Variants in SYN3 observed in about 807,000 individuals in gnomAD.
SYN3 encodes synapsin III.
In SYN3, 35 loss-of-function variants were observed where a neutral mutation model predicts 65.8. The ratio of observed to expected loss-of-function variants is 0.53; its 90% CI spans 0.41 to 0.70. The LOEUF (loss-of-function observed/expected upper bound fraction) is 0.70, where lower values mean the gene tolerates loss of function less well. SYN3 is among the 30% of genes least tolerant of loss of function. SYN3 has a pLI of 0.00. For missense variants in SYN3, 680 were observed against 749.0 expected (o/e 0.91, Z 1.08); for synonymous variants, 270 against 292.9 (o/e 0.92, Z 0.80).
chr22:32,986,275 G>A (rs2052525256), intron 2 of SYN3, among the ~76,000 whole-genome samples: 1 of 152,142 alleles, frequency 6.6e-6, no homozygotes, highest in South Asian at 2.1e-4. Flanking sequence ...GGGTGTGTAC[G>A]AGGCCAACCT....
At chr22:32,980,503 G>A in intron 3 of SYN3, 142 bp downstream of exon 3, 1 of 733,564 alleles carries the variant, frequency 1.4e-6, no homozygotes, top group Non-Finnish European at 2.3e-6. Context: ...AATTTAATGA[G>A]ACTCCCAAGT....
chr22:33,011,848 C>A (rs1055832824), intron 1 of SYN3, among the ~76,000 whole-genome samples: 2 of 152,154 alleles, frequency 1.3e-5, no homozygotes, highest in African/African-American at 2.4e-5. Flanking sequence ...AACTTACTGG[C>A]ATAAAGTTGT....
chr22:33,049,814 C>T (rs1027343845), intron 1 of SYN3, among the ~76,000 whole-genome samples: 1 of 152,146 alleles, frequency 6.6e-6, no homozygotes, highest in Non-Finnish European at 1.5e-5. Flanking sequence ...AGCTAGAAGA[C>T]CCCAGGAAAC....
chr22:32,893,502 A>T lies in SYN3; in HGVS notation c.462-24377T>A, dbSNP rs117931061. ...CTCCTGCAGGAGTCAACCCTTCAGT[A>T]GAGTCTTAAAAATCAGTAGAGTTTG... On this transcript the variant is annotated intron_variant, in intron 4 of 13. Transcript: ENST00000358763. Among the ~76,000 whole-genome samples, 38 of 152,312 alleles carry T rather than the reference A, an allele frequency of 2.5e-4. No homozygotes were observed. In the East Asian group the frequency reaches 7.1e-3, roughly 29 times the overall value.
At chr22:32,698,470 C>A (rs760204475) in intron 6 of SYN3, among the ~76,000 whole-genome samples, 4 of 152,216 alleles carry the variant, frequency 2.6e-5, no homozygotes, top group Non-Finnish European at 5.9e-5. Flanking sequence ...CAGAACAATT[C>A]ATCCTTGCCC....
intron 6 of SYN3, among the ~76,000 whole-genome samples, chr22:32,655,975 C>T (rs2060136983): frequency 6.6e-6 from 1 of 152,132 alleles, no homozygotes; most frequent in South Asian, 2.1e-4. Flanking sequence ...CATTGGAGAA[C>T]TAATCTCCCT....
At chr22:32,947,122 G>A (rs1456431194) in intron 3 of SYN3, among the ~76,000 whole-genome samples, 2 of 152,196 alleles carry the variant, frequency 1.3e-5, no homozygotes. Context: ...CACTGACCCA[G>A]TGTATGGCCT....
intron 6 of SYN3, among the ~76,000 whole-genome samples, chr22:32,790,881 C>G (rs542710285): frequency 6.6e-6 from 1 of 152,056 alleles, no homozygotes; most frequent in African/African-American, 2.4e-5. Context: ...ATAGTAGCTA[C>G]GAGAAAAGGT....
At chr22:32,879,555 CT>C (rs1262869944) in intron 4 of SYN3, among the ~76,000 whole-genome samples, 2 of 152,192 alleles carry the variant, frequency 1.3e-5, no homozygotes, top group East Asian at 3.9e-4. Flanking sequence ...GGGCCTCTTA[CT>C]TATAAGGGCA....
intron 3 of SYN3, among the ~76,000 whole-genome samples, chr22:32,935,794 T>C (rs2050760578): frequency 6.6e-6 from 1 of 152,222 alleles, no homozygotes; most frequent in African/African-American, 2.4e-5. Flanking sequence ...CACTGTGGTA[T>C]GGACAAATGA....
intron 6 of SYN3, among the ~76,000 whole-genome samples, chr22:32,700,292 G>T (rs1042444458): frequency 6.6e-6 from 1 of 152,162 alleles, no homozygotes; most frequent in Non-Finnish European, 1.5e-5. Context: ...TTTTGCCCAA[G>T]TAGCCCAAGC....
Position 32,670,701 on chromosome 22 carries a change from G to C in SYN3, c.712-73965C>G, listed in dbSNP as rs531262879. Among the ~76,000 whole-genome samples, 58 of 152,364 alleles carry C rather than the reference G, an allele frequency of 3.8e-4. No homozygotes were observed. The South Asian group carries it at 0.012, about 31-fold the overall frequency. On this transcript the variant is annotated intron_variant, in intron 6 of 13. Coordinates refer to ENST00000358763, the MANE Select transcript of SYN3 (RefSeq NM_003490.4). ...CTAACTGGCCAATCTTGGTTCAGCTGCTCTTCCTAGAGACCTATCAGTCAT... is the reference window on the plus strand; with the variant it reads ...CTAACTGGCCAATCTTGGTTCAGCTCCTCTTCCTAGAGACCTATCAGTCAT...
chr22:32,874,858 T>G (rs1314733628), intron 4 of SYN3, among the ~76,000 whole-genome samples: 2 of 152,096 alleles, frequency 1.3e-5, no homozygotes, highest in African/African-American at 4.8e-5. Flanking sequence ...ACACTCCACC[T>G]TGGAAAATTC....
At position 32,654,670 on chromosome 22, in the gene SYN3, A is replaced by G. The variant is rs1025602117; in HGVS notation, c.712-57934T>C. Among the ~76,000 whole-genome samples the G allele has an allele frequency of 7.9e-5, 12 of 152,242 alleles. No individual in the cohort carries two copies. The South Asian group carries it at 1.2e-3, about 16-fold the overall frequency. On this transcript the variant is annotated intron_variant, in intron 6 of 13. Coordinates refer to ENST00000358763, the MANE Select transcript of SYN3 (RefSeq NM_003490.4). ...GAACCCTACTGTGAACTGCACATGC[A>G]AGGGAACTAGGTTGAACGCTCCTTA...
chr22:32,989,425 T>C (rs573977131), intron 2 of SYN3, among the ~76,000 whole-genome samples: 21 of 152,302 alleles, frequency 1.4e-4, no homozygotes, highest in South Asian at 8.3e-4. Flanking sequence ...AGGAGGTAGA[T>C]GGCAGCATCT....
intron 7 of SYN3, among the ~76,000 whole-genome samples, chr22:32,549,848 C>T (rs1037931780): frequency 2.0e-5 from 3 of 148,150 alleles, no homozygotes; most frequent in Admixed American, 6.8e-5. Flanking sequence ...GAGATTGCAC[C>T]GTTGTACTCC....
chr22:32,752,735 T>C (rs940523388), intron 6 of SYN3, among the ~76,000 whole-genome samples: 1 of 152,200 alleles, frequency 6.6e-6, no homozygotes, highest in African/African-American at 2.4e-5. Context: ...CTGGGGGTCC[T>C]GGCTCCTTGT....
At position 32,541,738 on chromosome 22, in the gene SYN3, A is replaced by G. The variant is rs778939750; in HGVS notation, c.775-25T>C. The G allele has an allele frequency of 3.7e-6, 6 of 1,608,892 alleles. No individual in the cohort carries two copies. In the Admixed American group the frequency reaches 1.0e-4, roughly 27 times the overall value. On this transcript the variant is annotated intron_variant, in intron 7 of 13. Transcript: ENST00000358763. The stretch of plus-strand genomic sequence containing the variant: ...TCTGTGTGGGAGGATGAGGGGGATG[A>G]GTGCCACCCACCCCGTGTTCACTGA...
At chr22:32,819,850 T>C (rs1419555051) in intron 6 of SYN3, among the ~76,000 whole-genome samples, 1 of 152,224 alleles carries the variant, frequency 6.6e-6, no homozygotes, top group African/African-American at 2.4e-5. Flanking sequence ...CCATAGTGTA[T>C]ATTAACTTCC....
Sources: allele counts gnomAD v4.1 joint callset (sites outside exome capture counted in the v4.1 genomes callset), GRCh38; gene constraint gnomAD v4.1.1; transcripts MANE v1.5; gene names NCBI Gene and HGNC (gene_info 2026-07-23, HGNC 2026-07-21).